Variants in SLC10A6 observed in about 807,000 individuals in gnomAD.
SLC10A6 encodes solute carrier family 10 member 6.
A neutral mutation model predicts 30.0 loss-of-function variants in SLC10A6; 27 were observed. The observed-to-expected ratio is 0.90, with a 90% CI of 0.66 to 1.24. SLC10A6 has a LOEUF of 1.24. SLC10A6 is among the 50% of genes most tolerant of loss of function. The pLI is 0.00. For missense variants in SLC10A6, 439 were observed against 457.0 expected (o/e 0.96, Z 0.36); for synonymous variants, 166 against 173.8 (o/e 0.95, Z 0.36).
intron 1 of SLC10A6, among the ~76,000 whole-genome samples, chr4:86,837,301 G>A: frequency 8.3e-6 from 1 of 120,960 alleles, no homozygotes; most frequent in Non-Finnish European, 1.7e-5. Context: ...AAGGAAGGAA[G>A]GAAGGAAGGA....
At chr4:86,832,920 G>A (rs1746108398) in intron 2 of SLC10A6, among the ~76,000 whole-genome samples, 1 of 152,090 alleles carries the variant, frequency 6.6e-6, no homozygotes, top group Non-Finnish European at 1.5e-5. Context: ...TTAAACCTTG[G>A]AGTATAAAGA....
chr4:86,848,178 A>G (rs1037712264), intron 1 of SLC10A6, among the ~76,000 whole-genome samples: 2 of 152,196 alleles, frequency 1.3e-5, no homozygotes, highest in African/African-American at 4.8e-5. Flanking sequence ...GAGCCTTCGC[A>G]TTGCTCCTGA....
rs773863398 is a variant in SLC10A6 at position 86,823,853 on chromosome 4, G to C, written c.969C>G (p.Asn323Lys). ...RRLKNKHGKK[N>K]SGCTEVCHTR... ...TATGGCAGACTTCTGTGCAACCTGA[G>C]TTCTTTTTTCCATGTTTGTTCTTCA... The change falls in exon 6 of 6, where the codon AAC becomes AAG. Residue 323 changes from asparagine to lysine, a missense_variant. Transcript: ENST00000273905. The C allele has an allele frequency of 9.3e-6, 15 of 1,613,808 alleles. No individual in the cohort carries two copies. The highest frequency in any genetic ancestry group is 1.2e-5 in the Non-Finnish European group (14 of 1,179,814).
chr4:86,837,343 A>AAGGCAGGC (rs1553899233), intron 1 of SLC10A6, among the ~76,000 whole-genome samples: 1,152 of 102,708 alleles, frequency 0.011, 125 homozygotes, highest in African/African-American at 0.023. Context: ...GGAAGGAAGG[A>AAGGCAGGC]AGGCAGGCAG....
At chr4:86,842,874 C>CTTTCTTTCTTTT (rs1560461934) in intron 1 of SLC10A6, among the ~76,000 whole-genome samples, 18 of 42,784 alleles carry the variant, frequency 4.2e-4, no homozygotes, top group Non-Finnish European at 6.1e-4. Flanking sequence ...TTCTTTCTTT[C>CTTTCTTTCTTTT]TTTTTTTTTT....
At chr4:86,839,685 C>G (rs763368390) in intron 1 of SLC10A6, among the ~76,000 whole-genome samples, 4 of 152,298 alleles carry the variant, frequency 2.6e-5, no homozygotes, top group Middle Eastern at 3.4e-3. Flanking sequence ...AATAAACACT[C>G]TCATACATAC....
intron 1 of SLC10A6, among the ~76,000 whole-genome samples, chr4:86,846,023 G>A (rs1326612081): frequency 6.6e-6 from 1 of 152,182 alleles, no homozygotes; most frequent in Non-Finnish European, 1.5e-5. Context: ...CCACTTCCTC[G>A]TGTGTCAAAT....
chr4:86,830,030 C>T (rs1329093432), intron 3 of SLC10A6, among the ~76,000 whole-genome samples: 1 of 152,128 alleles, frequency 6.6e-6, no homozygotes, highest in Non-Finnish European at 1.5e-5. Context: ...GATCATTTCC[C>T]TCCTCTTGTT....
At chr4:86,837,281 A>AAGAAAGAAAGAAAG (rs34533020) in intron 1 of SLC10A6, among the ~76,000 whole-genome samples, 1 of 90,378 alleles carries the variant, frequency 1.1e-5, no homozygotes, top group Non-Finnish European at 2.1e-5. Flanking sequence ...GAAAGAAAGA[A>AAGAAAGAAAGAAAG]AGAAAAAGAA....
chr4:86,830,516 T>C (rs1746060811), intron 3 of SLC10A6, among the ~76,000 whole-genome samples: 1 of 152,214 alleles, frequency 6.6e-6, no homozygotes, highest in Non-Finnish European at 1.5e-5. Flanking sequence ...GTCATCCATA[T>C]GCAATACAAA....
chr4:86,841,169 C>A (rs1746282644), intron 1 of SLC10A6, among the ~76,000 whole-genome samples: 1 of 152,122 alleles, frequency 6.6e-6, no homozygotes, highest in Non-Finnish European at 1.5e-5. Flanking sequence ...ATGGCTTTGG[C>A]TCAAACAGCA....
intron 3 of SLC10A6, among the ~76,000 whole-genome samples, chr4:86,828,466 T>C (rs1055675904): frequency 6.6e-6 from 1 of 152,060 alleles, no homozygotes; most frequent in African/African-American, 2.4e-5. Context: ...TAGAGTTCTA[T>C]TGTGGGTAGA....
At chr4:86,828,505 C>A (rs1011212717) in intron 3 of SLC10A6, among the ~76,000 whole-genome samples, 16 of 152,000 alleles carry the variant, frequency 1.1e-4, no homozygotes, top group African/African-American at 3.4e-4. Context: ...TGGAATCTGA[C>A]AATGAGCTTC....
intron 1 of SLC10A6, among the ~76,000 whole-genome samples, chr4:86,846,092 C>T (rs146245432): frequency 6.6e-6 from 1 of 152,300 alleles, no homozygotes; most frequent in East Asian, 1.9e-4. Context: ...GATAAAACTC[C>T]TATCAATGAC....
chr4:86,835,575 G>C (rs1252181847), intron 1 of SLC10A6, among the ~76,000 whole-genome samples: 1 of 152,068 alleles, frequency 6.6e-6, no homozygotes, highest in African/African-American at 2.4e-5. Flanking sequence ...GCTAAGGCAG[G>C]AGAATCACTT....
intron 1 of SLC10A6, among the ~76,000 whole-genome samples, chr4:86,834,258 C>T (rs538147970): frequency 8.5e-5 from 13 of 152,288 alleles, no homozygotes; most frequent in South Asian, 2.1e-4. Flanking sequence ...CTCCTCTTCC[C>T]CTTCCACCAT....
At chr4:86,843,749 CT>C (rs981507185) in intron 1 of SLC10A6, among the ~76,000 whole-genome samples, 36 of 152,284 alleles carry the variant, frequency 2.4e-4, no homozygotes, top group African/African-American at 8.2e-4. Flanking sequence ...ACACGATGTT[CT>C]TTTGCCTGCC....
At chr4:86,827,678 A>G (rs1409792295) in intron 4 of SLC10A6, among the ~76,000 whole-genome samples, 2 of 152,216 alleles carry the variant, frequency 1.3e-5, no homozygotes, top group Non-Finnish European at 2.9e-5. Context: ...TATTTCTTCC[A>G]GTATATTTTG....
intron 1 of SLC10A6, among the ~76,000 whole-genome samples, chr4:86,846,214 C>T (rs1746387772): frequency 6.6e-6 from 1 of 152,050 alleles, no homozygotes; most frequent in Non-Finnish European, 1.5e-5. Context: ...ATTTGAGTTT[C>T]TACTGAAAAT....
Sources: allele counts gnomAD v4.1 joint callset (sites outside exome capture counted in the v4.1 genomes callset), GRCh38; gene constraint gnomAD v4.1.1; transcripts MANE v1.5; gene names NCBI Gene and HGNC (gene_info 2026-07-23, HGNC 2026-07-21).